CCDC6: variants seen among roughly 807,000 people sequenced by gnomAD.
The protein encoded by CCDC6 is coiled-coil domain-containing protein 6.
Under a neutral mutation model 56.6 loss-of-function variants are expected in CCDC6, and 20 were observed. The observed-to-expected ratio is 0.35, with a 90% CI of 0.25 to 0.51. CCDC6 has a LOEUF of 0.51. Among genes scored for constraint, CCDC6 ranks in the 20% least tolerant of loss-of-function variants. The pLI is 0.95. For synonymous variants in CCDC6, 241 were observed against 234.4 expected, an observed-to-expected ratio of 1.03 and a Z score of -0.26; for missense variants, 367 against 601.1, an observed-to-expected ratio of 0.61 and a Z score of 4.07.
In CCDC6 at chr10:59,792,939, G is replaced by A. The variant is rs1256572017; in HGVS notation, c.1403C>T (p.Ala468Val). Reference protein sequence around the residue: ...TSQPTPSQHSAHPSSQP With the variant: ...TSQPTPSQHSVHPSSQP ...GCATTAAGGCTGGGAGGAGGGGTGC[G>A]CCGAATGTTGCGAAGGAGTAGGCTG... is the stretch of plus-strand genomic sequence containing the variant. Residue 468 changes from alanine to valine, a missense_variant, in exon 9 of 9, where the codon GCG (alanine) becomes GTG (valine). Around this residue, in one of 7 missense-constraint regions of CCDC6, gnomAD observed 54 missense variants for 60.0 expected, o/e 0.90. Transcript: ENST00000263102. 1.4e-5 allele frequency: 23 copies of A among 1,609,986 alleles called. No individual in the cohort carries two copies. The highest frequency in any genetic ancestry group is 1.8e-5 in the Non-Finnish European group (21 of 1,177,948).
intron 2 of CCDC6, among the ~76,000 whole-genome samples, chr10:59,849,752 T>G (rs2071022443): frequency 6.6e-6 from 1 of 152,208 alleles, no homozygotes; most frequent in South Asian, 2.1e-4. Flanking sequence ...AGCAGGCTTT[T>G]TTTTAGCAAG....
chr10:59,870,541 T>C (rs2071219430), intron 1 of CCDC6, among the ~76,000 whole-genome samples: 1 of 151,764 alleles, frequency 6.6e-6, no homozygotes, highest in African/African-American at 2.4e-5. Flanking sequence ...CCCCCAGCAT[T>C]AACTTTCTTC....
chr10:59,808,812 A>G (rs1430245774), intron 5 of CCDC6, among the ~76,000 whole-genome samples: 1 of 152,238 alleles, frequency 6.6e-6, no homozygotes, highest in African/African-American at 2.4e-5. Context: ...TTTAGCCAAT[A>G]AAGACTTCTG....
intron 3 of CCDC6, 79 bp downstream of exon 3, chr10:59,832,446 C>G: frequency 2.9e-6 from 4 of 1,368,274 alleles, no homozygotes; most frequent in Non-Finnish European, 4.0e-6. Flanking sequence ...CACTTAAATT[C>G]CTCCAGGCAT....
intron 1 of CCDC6, among the ~76,000 whole-genome samples, chr10:59,855,985 T>G (rs1488651413): frequency 6.6e-6 from 1 of 152,206 alleles, no homozygotes; most frequent in African/African-American, 2.4e-5. Flanking sequence ...GCTACTTATT[T>G]CTAAGCGAAG....
intron 3 of CCDC6, among the ~76,000 whole-genome samples, chr10:59,820,092 C>T (rs972935132): frequency 3.9e-5 from 6 of 152,214 alleles, no homozygotes; most frequent in African/African-American, 1.4e-4. Flanking sequence ...TTTGAATTCA[C>T]AGCCGGTCCC....
At chr10:59,854,415 CA>C (rs1189134778) in intron 1 of CCDC6, among the ~76,000 whole-genome samples, 5 of 152,186 alleles carry the variant, frequency 3.3e-5, no homozygotes, top group Non-Finnish European at 2.9e-5. Flanking sequence ...GCTACACAAA[CA>C]CAAACAGTGG....
At chr10:59,876,046 CACATACACGAGT>C (rs370983705) in intron 1 of CCDC6, among the ~76,000 whole-genome samples, 1,998 of 141,914 alleles carry the variant, frequency 0.014, 61 homozygotes, top group African/African-American at 0.049. Context: ...CAAGCCTACA[CACATACACGAGT>C]GCATGCACAG....
chr10:59,904,756 A>G (rs1207636646), intron 1 of CCDC6, among the ~76,000 whole-genome samples: 1 of 152,232 alleles, frequency 6.6e-6, no homozygotes, highest in Non-Finnish European at 1.5e-5. Flanking sequence ...TTCTTTTTAC[A>G]ATCAACTGCT....
intron 3 of CCDC6, among the ~76,000 whole-genome samples, chr10:59,831,591 T>C (rs998350475): frequency 6.6e-6 from 1 of 152,178 alleles, no homozygotes; most frequent in Admixed American, 6.5e-5. Context: ...GGATCTAAAA[T>C]ACAAACAGCT....
At chr10:59,834,831 CAAG>C (rs1284736839) in intron 2 of CCDC6, among the ~76,000 whole-genome samples, 1 of 152,130 alleles carries the variant, frequency 6.6e-6, no homozygotes, top group Admixed American at 6.5e-5. Context: ...GAATAGAGAA[CAAG>C]AAGAGTTCCC....
intron 1 of CCDC6, among the ~76,000 whole-genome samples, chr10:59,863,669 G>T (rs1176582812): frequency 6.6e-6 from 1 of 152,088 alleles, no homozygotes; most frequent in Non-Finnish European, 1.5e-5. Flanking sequence ...AAATTTTATG[G>T]TATATAAAAT....
chr10:59,817,442 G>T (rs1229617088), intron 3 of CCDC6, among the ~76,000 whole-genome samples: 1 of 152,140 alleles, frequency 6.6e-6, no homozygotes, highest in Non-Finnish European at 1.5e-5. Context: ...GCCTCCCAAA[G>T]TGTTGAGATT....
chr10:59,896,832 GT>G lies in CCDC6; in HGVS notation c.303+9289del, dbSNP rs1295645104. Among the ~76,000 whole-genome samples the G allele has an allele frequency of 2.7e-5, 4 of 149,852 alleles. No homozygotes were observed. The East Asian group carries it at 7.7e-4, about 29-fold the overall frequency. ...AAATGGTTAAAATGGTGAATTATAT[GT>G]TGTGTATGTTTTTATCACAAAAAAA... On this transcript the variant is annotated intron_variant, in intron 1 of 8. Coordinates refer to ENST00000263102, the MANE Select transcript of CCDC6 (RefSeq NM_005436.5).
At chr10:59,857,989 T>C (rs1176830705) in intron 1 of CCDC6, among the ~76,000 whole-genome samples, 2 of 152,184 alleles carry the variant, frequency 1.3e-5, no homozygotes, top group Non-Finnish European at 2.9e-5. Flanking sequence ...TTGTGGGAGA[T>C]GGTCAGAATT....
intron 2 of CCDC6, among the ~76,000 whole-genome samples, chr10:59,834,680 A>G (rs1430363671): frequency 6.6e-6 from 1 of 152,228 alleles, no homozygotes; most frequent in Non-Finnish European, 1.5e-5. Context: ...TCAAGGCCAA[A>G]AATAACCTCG....
intron 1 of CCDC6, among the ~76,000 whole-genome samples, chr10:59,878,211 T>C (rs2071301258): frequency 6.6e-6 from 1 of 152,210 alleles, no homozygotes; most frequent in African/African-American, 2.4e-5. Context: ...GAAATTTTTC[T>C]TGAGAAACAA....
At position 59,792,757 on chromosome 10, in the gene CCDC6, G is replaced by A; in HGVS notation, c.*160C>T. 1 of 838,420 alleles carries A rather than the reference G, an allele frequency of 1.2e-6. No homozygotes were observed. Among genetic ancestry groups the A allele is most frequent in the Non-Finnish European group, 2.1e-6 (1 of 483,456 alleles). The allele number at this position is 838,420 out of a possible 1,614,324, so 51.9% of individuals were successfully genotyped here. A position where few individuals can be genotyped will look rare whatever the true frequency, so the allele number is the denominator to read the frequency against. ...GTGTTGTAGACCCACAACACTGGCT[G>A]CATTTCTGACAAACATTTACAACAC... On this transcript the variant is annotated 3_prime_UTR_variant, in exon 9 of 9. Transcript: ENST00000263102.
chr10:59,892,813 C>T (rs982332643), intron 1 of CCDC6, among the ~76,000 whole-genome samples: 1 of 152,124 alleles, frequency 6.6e-6, no homozygotes, highest in African/African-American at 2.4e-5. Context: ...TGCAATACAA[C>T]TTAGCTAGTA....
Sources: allele counts gnomAD v4.1 joint callset (sites outside exome capture counted in the v4.1 genomes callset), GRCh38; gene constraint gnomAD v4.1.1; regional missense constraint gnomAD v4.1.1; transcripts MANE v1.5; gene names NCBI Gene and HGNC (gene_info 2026-07-23, HGNC 2026-07-21).